The following TSC2 variants were observed in gnomAD, a reference collection of about 807,000 sequenced individuals.
The protein encoded by TSC2 is TSC complex subunit 2.
Under a neutral mutation model 202.2 loss-of-function variants are expected in TSC2, and 29 were observed. The ratio of observed to expected loss-of-function variants is 0.14; its 90% confidence interval spans 0.11 to 0.20. The LOEUF (loss-of-function observed/expected upper bound fraction) is 0.20, where lower values mean the gene tolerates loss of function less well. TSC2 is among the 10% of genes least tolerant of loss of function. The pLI, the probability that TSC2 is intolerant of heterozygous loss-of-function variation, is 1.00. For missense variants in TSC2, 2,429 were observed against 2,420.0 expected, an observed-to-expected ratio of 1.00 and a Z score of -0.08; for synonymous variants, 1,349 against 1,044.0, an observed-to-expected ratio of 1.29 and a Z score of -5.63.
At chr16:2,054,527 T>C (rs2085529549) in intron 5 of TSC2, 87 bp downstream of exon 5, 1 of 1,593,034 alleles carries the variant, frequency 6.3e-7, no homozygotes, top group Admixed American at 1.7e-5. Context: ...GGGGAGGGGC[T>C]GCCGTTCTCA....
chr16:2,065,702 CG>C, intron 16 of TSC2, 67 bp downstream of exon 16: 3 of 1,403,554 alleles, frequency 2.1e-6, no homozygotes, highest in Non-Finnish European at 3.0e-6. Context: ...GCTGCATCTG[CG>C]TTGTGTTGGA....
rs377558380 is a variant in TSC2, at chr16:2,056,624, G to A, written c.649-20G>A. The A allele has an allele frequency of 9.9e-5, 159 of 1,607,102 alleles. No homozygotes were observed. Among genetic ancestry groups the A allele is most frequent in the Non-Finnish European group, 1.3e-4 (152 of 1,179,908 alleles). On this transcript the variant is annotated intron_variant, in intron 7 of 41. Transcript: ENST00000219476. ...AGGAGCTGGGGTAGGACGGGCGTGA[G>A]CCGTCTCCCTCTCCACCAGGTCTCC...
Position 2,060,546 on chromosome 16 carries a change from G to A in TSC2, c.976-124G>A, listed in dbSNP as rs574391887. On this transcript the variant is annotated intron_variant, in intron 10 of 41. Coordinates refer to ENST00000219476, the MANE Select transcript of TSC2 (RefSeq NM_000548.5). ...CCCACCTGCTGTTTCTGCGGCCCCT[G>A]ATAAACGTGTGGTGGGCACTGCGCG... 2.3e-5 allele frequency: 35 copies of A among 1,537,158 alleles called. 1 individual carries two copies. The highest frequency in any genetic ancestry group is 4.0e-4 in the Middle Eastern group (2 of 4,944).
In TSC2 at chr16:2,084,346, C is replaced by G. The variant is rs145476528; in HGVS notation, c.4124C>G (p.Ser1375Cys). 6.2e-7 allele frequency: 1 copy of G among 1,612,732 alleles called. No homozygotes were observed. Residue 1375 changes from serine to cysteine, a missense_variant, in exon 34 of 42, where the codon TCC becomes TGC. By Grantham distance (112) the Ser-to-Cys change is moderately radical (BLOSUM62 -1). Coordinates refer to ENST00000219476, the MANE Select transcript of TSC2 (RefSeq NM_000548.5). ...GGTGGCCGGCCCTCTGTGGACCTCT[C>G]CTTCCAGCCCTCGCAGCCCCTGAGC... ...SEGGRPSVDL[S>C]FQPSQPLSKS...
intron 36 of TSC2, among the ~76,000 whole-genome samples, chr16:2,085,937 G>A (rs554131007): frequency 6.6e-6 from 1 of 152,324 alleles, no homozygotes; most frequent in African/African-American, 2.4e-5. Context: ...AGGCTGCTGA[G>A]GGGCCAGGGC....
rs967029426 is a variant in TSC2 at position 2,080,985 on chromosome 16, G to GT, written c.3611-604dup. On this transcript the variant is annotated intron_variant, in intron 30 of 41. Coordinates refer to ENST00000219476, the MANE Select transcript of TSC2 (RefSeq NM_000548.5). ...GGCCTCAATCCTTGGCATGCAGTTG[G>GT]TTTTTTCCCTGTGTCCTCACAGGCT... 6.8e-4 allele frequency: 117 copies of GT among 172,662 alleles called. 1 individual carries two copies. Among genetic ancestry groups the GT allele is most frequent in the African/African-American group, 2.6e-3 (110 of 41,696 alleles). The allele number at this position is 172,662 out of a possible 1,614,324, so 10.7% of individuals were successfully genotyped here. A position where few individuals can be genotyped will look rare whatever the true frequency, so the allele number is the denominator to read the frequency against.
chr16:2,073,242 G>GT lies in TSC2; in HGVS notation c.2355+261dup, dbSNP rs141745833. Among the ~76,000 whole-genome samples the GT allele has an allele frequency of 0.033, 5,076 of 152,300 alleles. 308 individuals carry two copies. Among genetic ancestry groups the GT allele is most frequent in the African/African-American group, 0.11 (4,740 of 41,544 alleles). On this transcript the variant is annotated intron_variant, in intron 21 of 41. Transcript: ENST00000219476. The stretch of plus-strand genomic sequence containing the variant: ...ACAGCATCTCTGCTCTCTGTAGAGC[G>GT]TTGCCTGGCTTGTTCCTGCTGTCCC...
chr16:2,071,722 G>C (rs2151301917), intron 18 of TSC2, 62 bp from the exon 19 acceptor site: 2 of 1,595,266 alleles, frequency 1.3e-6, no homozygotes, highest in Middle Eastern at 1.7e-4. Flanking sequence ...GTTGGGAAGA[G>C]CCAAGTCTGT....
intron 13 of TSC2, 179 bp from the exon 14 acceptor site, chr16:2,062,793 T>C: frequency 1.1e-6 from 1 of 893,580 alleles, no homozygotes; most frequent in African/African-American, 1.7e-5. Flanking sequence ...ATGACGCCAC[T>C]GGGCTCCCTC....
intron 36 of TSC2, 38 bp downstream of exon 36, chr16:2,085,360 C>T (rs1397725540): frequency 1.2e-6 from 2 of 1,606,482 alleles, no homozygotes; most frequent in South Asian, 2.2e-5. Context: ...CTGGACAGGG[C>T]CAGCTGGGCC....
chr16:2,059,562 C>T (rs996521521), intron 10 of TSC2, among the ~76,000 whole-genome samples: 3 of 148,454 alleles, frequency 2.0e-5, no homozygotes, highest in African/African-American at 7.5e-5. Flanking sequence ...TCTTATTGCC[C>T]AGGCTGGAGT....
chr16:2,083,402 C>T, intron 32 of TSC2: 1 of 558,394 alleles, frequency 1.8e-6, no homozygotes, highest in African/African-American at 1.9e-5. Context: ...AGCGTCTTGC[C>T]CCTGCCTACC....
intron 21 of TSC2, 32 bp from the exon 22 acceptor site, chr16:2,074,168 G>C (rs374858271): frequency 2.2e-5 from 35 of 1,609,368 alleles, no homozygotes; most frequent in Admixed American, 3.3e-5. Context: ...TGCTGCAAGC[G>C]GGTGGGGCCT....
intron 6 of TSC2, chr16:2,055,978 A>G (rs1245011562): frequency 3.2e-6 from 2 of 627,956 alleles, no homozygotes; most frequent in East Asian, 5.7e-5. Flanking sequence ...TTGTTTGTTT[A>G]GAATGTTGCA....
At chr16:2,048,900 C>A in intron 2 of TSC2, 147 bp downstream of exon 2, 1 of 1,177,232 alleles carries the variant, frequency 8.5e-7, no homozygotes, top group Non-Finnish European at 1.2e-6. Context: ...CCGACATGTC[C>A]TTCCTCAGGA....
intron 30 of TSC2, chr16:2,081,301 T>C (rs894417301): frequency 6.4e-6 from 3 of 470,702 alleles, no homozygotes; most frequent in African/African-American, 6.1e-5. Context: ...GGCTGAGGGG[T>C]GCAAAGAGTA....
intron 9 of TSC2, 45 bp downstream of exon 9, chr16:2,057,223 C>T (rs1288750753): frequency 6.5e-7 from 1 of 1,548,442 alleles, no homozygotes; most frequent in South Asian, 1.2e-5. Context: ...GCCAGCACAG[C>T]CCTCGGGGCA....
rs189844584 is a variant in TSC2 at position 2,080,591 on chromosome 16, C to T, written c.3610+214C>T. 776 of 603,354 alleles carry T rather than the reference C, an allele frequency of 1.3e-3. 7 individuals are homozygous for T. The African/African-American group carries it at 0.013, about 10-fold the overall frequency. 37.4% of individuals were successfully genotyped at this position (603,354 alleles called of 1,614,324 possible). A position where few individuals can be genotyped will look rare whatever the true frequency, so the allele number is the denominator to read the frequency against. ...CTCCACCTCCCGGGTTCACGCCATT[C>T]TCCTGCCTCAGCCTCCCGAGTAGCT... On this transcript the variant is annotated intron_variant, in intron 30 of 41. Transcript: ENST00000219476.
At chr16:2,057,244 C>G in intron 9 of TSC2, 66 bp downstream of exon 9, 1 of 1,533,266 alleles carries the variant, frequency 6.5e-7, no homozygotes, top group South Asian at 1.2e-5. Context: ...GCTCCAGTGT[C>G]CCTTGCCAAG....
Sources: gnomAD v4.1 joint callset for allele counts (sites outside exome capture counted in the v4.1 genomes callset) on GRCh38, gnomAD v4.1.1 for gene constraint, MANE v1.5 for transcripts, NCBI Gene and HGNC (gene_info 2026-07-23, HGNC 2026-07-21) for gene names.